Variants in CACNA2D3 observed in about 807,000 individuals in gnomAD.
CACNA2D3 encodes calcium voltage-gated channel auxiliary subunit alpha2delta 3.
A neutral mutation model predicts 160.6 loss-of-function variants in CACNA2D3; 60 were observed. The ratio of observed to expected loss-of-function variants is 0.37; its 90% confidence interval spans 0.30 to 0.46. The LOEUF (loss-of-function observed/expected upper bound fraction) is 0.46, where lower values mean the gene tolerates loss of function less well. Among genes scored for constraint, CACNA2D3 ranks in the 20% least tolerant of loss-of-function variants. CACNA2D3 has a pLI of 1.00. For missense variants in CACNA2D3, 1,205 were observed against 1,365.0 expected (o/e 0.88, Z 1.85); for synonymous variants, 558 against 492.9 (o/e 1.13, Z -1.75).
chr3:54,918,528 T>TC, intron 27 of CACNA2D3: 1 of 1,613,900 alleles, frequency 6.2e-7, no homozygotes, highest in South Asian at 1.1e-5. Context: ...GAGCCAAGGG[T>TC]CCCCCATGGT....
intron 11 of CACNA2D3, among the ~76,000 whole-genome samples, chr3:54,692,645 C>T (rs1700590587): frequency 6.6e-6 from 1 of 152,208 alleles, no homozygotes; most frequent in South Asian, 2.1e-4. Context: ...AATTCCCAAG[C>T]CTCAGCTCTC....
At chr3:54,801,356 C>G (rs1479478412) in intron 13 of CACNA2D3, among the ~76,000 whole-genome samples, 1 of 152,014 alleles carries the variant, frequency 6.6e-6, no homozygotes, top group African/African-American at 2.4e-5. Context: ...AAAGAGAGAA[C>G]CTTGCTCAGA....
chr3:54,173,645 T>C (rs1201106054), intron 2 of CACNA2D3, among the ~76,000 whole-genome samples: 1 of 152,176 alleles, frequency 6.6e-6, no homozygotes, highest in South Asian at 2.1e-4. Flanking sequence ...GAGCAAACTT[T>C]AGTGGAAATG....
chr3:54,932,566 C>T (rs918717092), intron 27 of CACNA2D3, among the ~76,000 whole-genome samples: 7 of 152,256 alleles, frequency 4.6e-5, no homozygotes. Flanking sequence ...CTTCTAGTGA[C>T]TGGCTGAGTT....
chr3:54,964,328 G>A (rs1287691090), intron 27 of CACNA2D3, among the ~76,000 whole-genome samples: 1 of 152,172 alleles, frequency 6.6e-6, no homozygotes, highest in Admixed American at 6.5e-5. Flanking sequence ...TCAAATTGAA[G>A]TAAGGAGCAC....
At chr3:54,968,370 A>G (rs1406430215) in intron 27 of CACNA2D3, 80 bp from the exon 28 acceptor site, 1 of 904,246 alleles carries the variant, frequency 1.1e-6, no homozygotes, top group Non-Finnish European at 1.8e-6. Context: ...TCTTGCCATG[A>G]CGGATAATTT....
At chr3:54,556,853 G>C (rs543372636) in intron 5 of CACNA2D3, among the ~76,000 whole-genome samples, 3 of 152,342 alleles carry the variant, frequency 2.0e-5, no homozygotes, top group African/African-American at 7.2e-5. Flanking sequence ...ACGTTTGCCT[G>C]CTCCCCATGG....
chr3:54,958,993 C>T (rs1307814214), intron 27 of CACNA2D3, among the ~76,000 whole-genome samples: 1 of 151,902 alleles, frequency 6.6e-6, no homozygotes, highest in Non-Finnish European at 1.5e-5. Flanking sequence ...CCTAGCTACT[C>T]GGGAGACTAT....
At chr3:55,051,934 A>C (rs71308072) in intron 35 of CACNA2D3, among the ~76,000 whole-genome samples, 2 of 152,248 alleles carry the variant, frequency 1.3e-5, no homozygotes, top group African/African-American at 2.4e-5. Flanking sequence ...TGCGCTTCCC[A>C]AGTGAGGCAA....
At chr3:54,602,963 A>G (rs76011879) in intron 9 of CACNA2D3, among the ~76,000 whole-genome samples, 13,881 of 152,196 alleles carry the variant, frequency 0.091, 783 homozygotes, top group South Asian at 0.18. Context: ...TTCCAAACTC[A>G]AGTTGAAGCA....
chr3:54,574,591 T>C (rs1460536478), intron 8 of CACNA2D3, among the ~76,000 whole-genome samples: 1 of 152,142 alleles, frequency 6.6e-6, no homozygotes, highest in Non-Finnish European at 1.5e-5. Context: ...AAGTTAAAAT[T>C]TTAAGGTCAA....
At position 54,390,278 on chromosome 3, in the gene CACNA2D3, A is replaced by G. The variant is rs532751475; in HGVS notation, c.381+3504A>G. Among the ~76,000 whole-genome samples the G allele has an allele frequency of 2.6e-5, 4 of 152,230 alleles. No homozygotes were observed. In the East Asian group the frequency reaches 5.8e-4, roughly 22 times the overall value. ...TTTTCCAAGAGTGTTCTGATTTCCT[A>G]TTTCCGAAGTTTTACAGTAAAATTC... On this transcript the variant is annotated intron_variant, in intron 4 of 37. Coordinates refer to ENST00000474759, the MANE Select transcript of CACNA2D3 (RefSeq NM_018398.3).
chr3:54,752,984 C>T (rs977255754), intron 12 of CACNA2D3, among the ~76,000 whole-genome samples: 1 of 151,918 alleles, frequency 6.6e-6, no homozygotes, highest in South Asian at 2.1e-4. Flanking sequence ...CCTCAGCCTC[C>T]CGAGTAGCTG....
At position 54,701,394 on chromosome 3, in the gene CACNA2D3, TC is replaced by T. The variant is rs1559553246; in HGVS notation, c.1168-51200del. Among the ~76,000 whole-genome samples, 5 of 152,294 alleles carry T rather than the reference TC, an allele frequency of 3.3e-5. No homozygotes were observed. In the East Asian group the frequency reaches 9.7e-4, roughly 29 times the overall value. ...GAATTTCAAGGAGTCTACTGAGATT[TC>T]CCCCTCCATCCTCTCTATATCTAAT... On this transcript the variant is annotated intron_variant, in intron 11 of 37. Transcript: ENST00000474759.
intron 31 of CACNA2D3, among the ~76,000 whole-genome samples, chr3:55,004,513 T>C (rs571831649): frequency 2.6e-5 from 4 of 152,362 alleles, no homozygotes; most frequent in East Asian, 1.9e-4. Context: ...TCAAGTTAGA[T>C]GGGTCCTCAT....
intron 2 of CACNA2D3, among the ~76,000 whole-genome samples, chr3:54,290,146 C>T (rs1485937785): frequency 1.5e-4 from 23 of 152,090 alleles, no homozygotes; most frequent in South Asian, 4.2e-4. Flanking sequence ...AGAAAATTTT[C>T]GCAACCTACT....
At chr3:54,392,115 GT>G (rs1699292605) in intron 4 of CACNA2D3, among the ~76,000 whole-genome samples, 1 of 152,136 alleles carries the variant, frequency 6.6e-6, no homozygotes, top group Non-Finnish European at 1.5e-5. Flanking sequence ...AATTATTTTA[GT>G]GTTTCATCCT....
chr3:54,533,819 GTGTGTGTGT>G (rs1182763928), intron 5 of CACNA2D3, among the ~76,000 whole-genome samples: 1 of 148,994 alleles, frequency 6.7e-6, no homozygotes, highest in Admixed American at 6.6e-5. Context: ...GTGTGTGTGT[GTGTGTGTGT>G]TAATAGGGTG....
At chr3:54,348,902 A>G (rs1198768388) in intron 3 of CACNA2D3, among the ~76,000 whole-genome samples, 1 of 151,982 alleles carries the variant, frequency 6.6e-6, no homozygotes, top group Non-Finnish European at 1.5e-5. Context: ...TAATTTTTGT[A>G]TTTTTAGTAG....
Sources: gnomAD v4.1 joint callset for allele counts (sites outside exome capture counted in the v4.1 genomes callset) on GRCh38, gnomAD v4.1.1 for gene constraint, MANE v1.5 for transcripts, NCBI Gene and HGNC (gene_info 2026-07-23, HGNC 2026-07-21) for gene names.